The following STK3 variants were observed in gnomAD, a reference collection of about 807,000 sequenced individuals.
STK3 encodes the protein serine/threonine kinase 3.
A neutral mutation model predicts 58.0 loss-of-function variants in STK3; 41 were observed. The ratio of observed to expected loss-of-function variants is 0.71; its 90% CI spans 0.55 to 0.92. The LOEUF (loss-of-function observed/expected upper bound fraction) is 0.92. STK3 is among the 40% of genes least tolerant of loss of function. The pLI is 0.00. For missense variants in STK3, 479 were observed against 602.7 expected, an observed-to-expected ratio of 0.79 and a Z score of 2.15; for synonymous variants, 170 against 191.0, an observed-to-expected ratio of 0.89 and a Z score of 0.91.
chr8:98,379,426 A>C (rs1817709961), intron 1 of STK3, among the ~76,000 whole-genome samples: 1 of 152,122 alleles, frequency 6.6e-6, no homozygotes, highest in South Asian at 2.1e-4. Flanking sequence ...CTCCACTCAA[A>C]AACTTTGTTC....
At chr8:98,685,637 A>G (rs1028996444) in intron 6 of STK3, among the ~76,000 whole-genome samples, 12 of 152,136 alleles carry the variant, frequency 7.9e-5, no homozygotes, top group African/African-American at 2.9e-4. Context: ...GTAAAAATCC[A>G]TGTCTTGGAA....
intron 1 of STK3, among the ~76,000 whole-genome samples, chr8:98,448,319 CTGAT>C (rs1384253094): frequency 6.6e-6 from 1 of 152,168 alleles, no homozygotes; most frequent in African/African-American, 2.4e-5. Context: ...AATTTGCACA[CTGAT>C]TGATTAATAA....
At chr8:98,893,490 A>AAGAAAGAG (rs1167631328) in intron 1 of STK3, among the ~76,000 whole-genome samples, 14 of 82,688 alleles carry the variant, frequency 1.7e-4, no homozygotes, top group African/African-American at 5.1e-4. Context: ...AAGAAAGAGA[A>AAGAAAGAG]AGAAAGAAAG....
chr8:98,836,165 C>A (rs1835739737), intron 3 of STK3, among the ~76,000 whole-genome samples: 1 of 151,922 alleles, frequency 6.6e-6, no homozygotes, highest in Admixed American at 6.6e-5. Context: ...CGCACTATTG[C>A]ACTCCAGCCT....
chr8:98,861,633 C>A (rs973764308), intron 3 of STK3, among the ~76,000 whole-genome samples: 1 of 152,268 alleles, frequency 6.6e-6, no homozygotes, highest in African/African-American at 2.4e-5. Flanking sequence ...CAGGCGTGAG[C>A]CACCATGCCA....
chr8:98,905,715 G>A (rs1050721542), intron 1 of STK3: 11 of 616,144 alleles, frequency 1.8e-5, no homozygotes, highest in Middle Eastern at 3.7e-4. Flanking sequence ...TAGCTCCTGC[G>A]TCAGAGAGAA....
At chr8:98,838,515 C>T (rs1835835063) in intron 3 of STK3, among the ~76,000 whole-genome samples, 1 of 151,982 alleles carries the variant, frequency 6.6e-6, no homozygotes, top group African/African-American at 2.4e-5. Flanking sequence ...GGCAATGAGG[C>T]CTAGAGCAGG....
intron 1 of STK3, among the ~76,000 whole-genome samples, chr8:98,908,928 G>T (rs953261568): frequency 6.6e-6 from 1 of 151,124 alleles, no homozygotes; most frequent in Admixed American, 6.6e-5. Flanking sequence ...GGCCGAAGTG[G>T]GCAGATCACT....
intron 1 of STK3, among the ~76,000 whole-genome samples, chr8:98,907,699 CA>C (rs1203160411): frequency 2.6e-5 from 4 of 152,194 alleles, no homozygotes; most frequent in Non-Finnish European, 4.4e-5. Flanking sequence ...AATATAACTG[CA>C]ATCACATTAT....
rs113332068 is a variant in STK3 at position 98,864,551 on chromosome 8, C to T, written c.110+19096G>A. Among the ~76,000 whole-genome samples the T allele has an allele frequency of 4.0e-3, 608 of 152,310 alleles. 6 individuals are homozygous for T. The highest frequency in any genetic ancestry group is 0.014 in the African/African-American group (576 of 41,572). ...TTCCTGAGTACTTCCATTGTCTCTA[C>T]CTTGTATTAAATCCTCTGTTTCCCA... On this transcript the variant is annotated intron_variant, in intron 3 of 12. Transcript: ENST00000523601.
intron 6 of STK3, chr8:98,598,917 A>G (rs1274304933): frequency 1.0e-6 from 1 of 984,968 alleles, no homozygotes; most frequent in African/African-American, 1.7e-5. Flanking sequence ...GCTTCAAAAC[A>G]ACTAATTATC....
At position 98,706,467 on chromosome 8, in the gene STK3, C is replaced by G; in HGVS notation, c.684G>C (p.Arg228Ser). 6.2e-7 allele frequency: 1 copy of G among 1,604,458 alleles called. No individual in the cohort carries two copies. ...TTTCAGCAAACCATAATTTTCTTAC[C>G]CTCATTGGATGTATATCAGCATAAG... ...KPPYADIHPM[R>S]AIFMIPTNPP... The change falls in exon 6 of 11, where the codon AGG (arginine) becomes AGC (serine). Residue 228 changes from arginine (R) to serine (S), a missense_variant and splice_region_variant. Coordinates refer to ENST00000419617, the MANE Select transcript of STK3 (RefSeq NM_006281.4).
At chr8:98,431,771 G>A (rs932889118) in intron 3 of STK3, 1 of 167,220 alleles carries the variant, frequency 6.0e-6, no homozygotes, top group Admixed American at 6.5e-5. Context: ...TTTTGGTAAT[G>A]ACTTGCATTT....
chr8:98,916,242 C>G (rs1184181572), intron 1 of STK3, among the ~76,000 whole-genome samples: 1 of 152,090 alleles, frequency 6.6e-6, no homozygotes, highest in African/African-American at 2.4e-5. Flanking sequence ...TGGTGAAACC[C>G]GTCTCTACTA....
At position 98,576,495 on chromosome 8, in the gene STK3, C is replaced by T. The variant is rs575054679; in HGVS notation, c.948+3169G>A. Reference sequence around the variant, plus strand: ...TGTGAATTGATTTGAGGAGTACTGCCATCTTCACAATATAATGTCTTCTAA... The same window carrying T: ...TGTGAATTGATTTGAGGAGTACTGCTATCTTCACAATATAATGTCTTCTAA... On this transcript the variant is annotated intron_variant, in intron 8 of 10. Coordinates refer to ENST00000419617, the MANE Select transcript of STK3 (RefSeq NM_006281.4). 4.6e-5 allele frequency among the ~76,000 whole-genome samples: 7 copies of T among 152,218 alleles called. No homozygotes were observed. The South Asian group carries it at 1.5e-3, about 32-fold the overall frequency.
intron 2 of STK3, among the ~76,000 whole-genome samples, chr8:98,378,090 A>C (rs1817693609): frequency 6.6e-6 from 1 of 152,234 alleles, no homozygotes; most frequent in African/African-American, 2.4e-5. Flanking sequence ...AGACAGCTTC[A>C]GAGAGAACAC....
chr8:98,758,472 C>G (rs117325863), intron 3 of STK3, among the ~76,000 whole-genome samples: 197 of 152,316 alleles, frequency 1.3e-3, no homozygotes, highest in Non-Finnish European at 2.3e-3. Context: ...GGCTTTATTG[C>G]TGGGATGTAA....
At chr8:98,353,164 T>C in the STK3 span, among the ~76,000 whole-genome samples, 1 of 152,178 alleles carries the variant, frequency 6.6e-6, no homozygotes, top group Non-Finnish European at 1.5e-5. Flanking sequence ...ACGTTCAGAT[T>C]ATGTGCATAA....
chr8:98,560,245 A>C (rs1482289429), intron 8 of STK3, among the ~76,000 whole-genome samples: 1 of 152,124 alleles, frequency 6.6e-6, no homozygotes, highest in South Asian at 2.1e-4. Flanking sequence ...AATAAGAAAA[A>C]AGTTATAAAG....
Sources: gnomAD v4.1 joint callset for allele counts (sites outside exome capture counted in the v4.1 genomes callset) on GRCh38, gnomAD v4.1.1 for gene constraint, MANE v1.5 for transcripts, NCBI Gene and HGNC (gene_info 2026-07-23, HGNC 2026-07-21) for gene names.